The following PGAP1 variants were observed in gnomAD, a reference collection of about 807,000 sequenced individuals.
PGAP1 encodes post-GPI attachment to proteins inositol deacylase 1, also known as GPI inositol-deacylase.
A neutral mutation model predicts 127.0 loss-of-function variants in PGAP1; 76 were observed. The ratio of observed to expected loss-of-function variants is 0.60; its 90% CI spans 0.50 to 0.72. PGAP1 has a LOEUF of 0.72. Ranked by LOEUF, PGAP1 falls within the 30% of genes least tolerant of loss-of-function variation. PGAP1 has a pLI of 0.00. For synonymous variants in PGAP1, 362 were observed against 366.5 expected (o/e 0.99, Z 0.14); for missense variants, 982 against 1,071.3 (o/e 0.92, Z 1.16).
intron 21 of PGAP1, chr2:196,847,599 C>T (rs915295455): frequency 5.2e-6 from 1 of 193,878 alleles, no homozygotes; most frequent in Non-Finnish European, 1.0e-5. Context: ...CTAAAATATA[C>T]TTTTAAAAGT....
intron 4 of PGAP1, 145 bp downstream of exon 4, chr2:196,912,737 T>C: frequency 1.7e-6 from 1 of 577,214 alleles, no homozygotes. Context: ...AGACAGACAC[T>C]CAGAATTGGA....
intron 1 of PGAP1, 67 bp downstream of exon 1, chr2:196,926,386 AAGGCAGGACGAACCCAC>A: frequency 6.3e-7 from 1 of 1,590,024 alleles, no homozygotes; most frequent in Non-Finnish European, 8.6e-7. Flanking sequence ...GCAGAGAGCC[AAGGCAGGACGAACCCAC>A]AGAAGGAAAA....
chr2:196,862,330 TA>T (rs1201088329), intron 20 of PGAP1, among the ~76,000 whole-genome samples: 2 of 152,132 alleles, frequency 1.3e-5, no homozygotes, highest in African/African-American at 4.8e-5. Flanking sequence ...TCCCGCCTAA[TA>T]AATTTTGATC....
chr2:196,884,492 G>C (rs755890150), intron 12 of PGAP1, among the ~76,000 whole-genome samples: 1 of 152,172 alleles, frequency 6.6e-6, no homozygotes, highest in Non-Finnish European at 1.5e-5. Flanking sequence ...CCATTCCAAA[G>C]TGAAGTGTGA....
At position 196,836,212 on chromosome 2, in the gene PGAP1, T is replaced by C. The variant is rs1020221330; in HGVS notation, c.*5022A>G. 6.6e-6 allele frequency: 1 copy of C among 152,522 alleles called. No individual in the cohort carries two copies. Among genetic ancestry groups the C allele is most frequent in the East Asian group, 1.9e-4 (1 of 5,198 alleles). The allele number at this position is 152,522 out of a possible 1,614,324, so 9.4% of individuals were successfully genotyped here. The stretch of plus-strand genomic sequence containing the variant: ...AAGTCTTCAGAAATTAACTGATTAA[T>C]TGGTATTTCAAAACACAGATTGTTT... On this transcript the variant is annotated 3_prime_UTR_variant, in exon 27 of 27. Transcript: ENST00000354764.
rs1559377816 is a variant in PGAP1 at position 196,926,677 on chromosome 2, C to A, written c.-61G>T. 1 of 1,608,738 alleles carries A rather than the reference C, an allele frequency of 6.2e-7. No homozygotes were observed. Among genetic ancestry groups the A allele is most frequent in the Non-Finnish European group, 8.5e-7 (1 of 1,177,510 alleles). ...CTCTACCTCCTTCTCCGCCGCGGGGCCCCAAGCCCGGACTGAGCGTGCTAG... is the reference window on the plus strand; with the variant it reads ...CTCTACCTCCTTCTCCGCCGCGGGGACCCAAGCCCGGACTGAGCGTGCTAG... On this transcript the variant is annotated 5_prime_UTR_variant, in exon 1 of 27. Transcript: ENST00000354764.
intron 24 of PGAP1, 95 bp from the exon 25 acceptor site, chr2:196,844,170 A>C (rs925854804): frequency 1.4e-6 from 1 of 697,826 alleles, no homozygotes; most frequent in Non-Finnish European, 2.1e-6. Flanking sequence ...AAATAAGTAC[A>C]TCTTTCCATT....
intron 1 of PGAP1, chr2:196,922,464 T>TA (rs76844575): frequency 0.018 from 16,471 of 909,346 alleles, no homozygotes; most frequent in South Asian, 0.023. Context: ...GGGGCTCCAT[T>TA]AAAAAAAAAA....
intron 7 of PGAP1, 36 bp from the exon 8 acceptor site, chr2:196,893,281 T>C: frequency 8.7e-7 from 1 of 1,150,462 alleles, no homozygotes; most frequent in Non-Finnish European, 1.3e-6. Context: ...TATCATTTTG[T>C]ATCTATTGTA....
At chr2:196,847,922 CATT>C in intron 21 of PGAP1, 22 bp downstream of exon 21, 1 of 1,418,230 alleles carries the variant, frequency 7.1e-7, no homozygotes, top group Non-Finnish European at 9.6e-7. Flanking sequence ...CAATTAAAAT[CATT>C]ATCACAGATA....
chr2:196,896,928 T>C (rs1371336327), intron 7 of PGAP1, among the ~76,000 whole-genome samples: 2 of 152,006 alleles, frequency 1.3e-5, no homozygotes, highest in African/African-American at 4.8e-5. Flanking sequence ...TTCATTTTCA[T>C]TGCATTTTAC....
chr2:196,882,819 C>T (rs553508389), intron 12 of PGAP1, among the ~76,000 whole-genome samples: 2 of 152,310 alleles, frequency 1.3e-5, no homozygotes, highest in East Asian at 3.9e-4. Context: ...TTGACTTCCT[C>T]TCTTCCTATT....
chr2:196,905,277 A>C (rs945831907), intron 4 of PGAP1, among the ~76,000 whole-genome samples: 20 of 152,224 alleles, frequency 1.3e-4, no homozygotes, highest in African/African-American at 4.8e-4. Context: ...TTACGGTGAC[A>C]AGTACTATGA....
At chr2:196,870,002 C>T (rs1025772) in intron 19 of PGAP1, among the ~76,000 whole-genome samples, 15,522 of 152,142 alleles carry the variant, frequency 0.1, 962 homozygotes, top group African/African-American at 0.17. Context: ...ATATAACTTC[C>T]CTAACTAATC....
intron 19 of PGAP1, 40 bp from the exon 20 acceptor site, chr2:196,865,120 C>G (rs1249193333): frequency 9.0e-7 from 1 of 1,111,812 alleles, no homozygotes; most frequent in Non-Finnish European, 1.3e-6. Context: ...CCTGAATATT[C>G]ATGTTAATAA....
chr2:196,913,085 G>T, intron 3 of PGAP1, 32 bp from the exon 4 acceptor site: 3 of 1,554,078 alleles, frequency 1.9e-6, no homozygotes, highest in East Asian at 2.3e-5. Context: ...TCATAATTGC[G>T]GCTTTGTATC....
intron 18 of PGAP1, 56 bp downstream of exon 18, chr2:196,872,385 C>T (rs1279975447): frequency 3.2e-6 from 4 of 1,233,910 alleles, no homozygotes; most frequent in East Asian, 4.8e-5. Flanking sequence ...ATAAAAAGAA[C>T]ATTTCTAGCT....
At chr2:196,864,313 C>T (rs1197195904) in intron 20 of PGAP1, among the ~76,000 whole-genome samples, 26 of 136,392 alleles carry the variant, frequency 1.9e-4, no homozygotes, top group African/African-American at 7.4e-4. Flanking sequence ...TCACATGAAC[C>T]AGGGAGGTGG....
chr2:196,891,927 A>G (rs572834991), intron 9 of PGAP1, among the ~76,000 whole-genome samples: 3 of 152,082 alleles, frequency 2.0e-5, no homozygotes, highest in Non-Finnish European at 4.4e-5. Context: ...CAGGACCACA[A>G]CAGGCAAAGG....
Sources: gnomAD v4.1 joint callset for allele counts (sites outside exome capture counted in the v4.1 genomes callset) on GRCh38, gnomAD v4.1.1 for gene constraint, MANE v1.5 for transcripts, NCBI Gene and HGNC (gene_info 2026-07-23, HGNC 2026-07-21) for gene names.